Variants in PTPRG observed in about 807,000 individuals in gnomAD.
PTPRG encodes the protein receptor-type tyrosine-protein phosphatase gamma.
In PTPRG, 102 loss-of-function variants were observed where a neutral mutation model predicts 165.3. The observed-to-expected ratio is 0.62, with a 90% CI of 0.53 to 0.73. The LOEUF is 0.73. PTPRG is among the 30% of genes least tolerant of loss of function. PTPRG has a pLI of 0.00. For synonymous variants in PTPRG, 675 were observed against 669.5 expected, an observed-to-expected ratio of 1.01 and a Z score of -0.13; for missense variants, 1,866 against 1,861.4, an observed-to-expected ratio of 1.00 and a Z score of -0.05.
intron 8 of PTPRG, among the ~76,000 whole-genome samples, chr3:62,189,425 T>C (rs1699748665): frequency 6.6e-6 from 1 of 152,140 alleles, no homozygotes; most frequent in African/African-American, 2.4e-5. Context: ...TGGTTCCTGG[T>C]GGGCTGCAGG....
intron 2 of PTPRG, among the ~76,000 whole-genome samples, chr3:61,864,406 C>T (rs923542418): frequency 5.9e-5 from 9 of 152,110 alleles, no homozygotes; most frequent in African/African-American, 2.2e-4. Flanking sequence ...AGTGCTTCTC[C>T]TTGTGTCCCG....
chr3:62,129,407 C>G (rs1003165917), intron 5 of PTPRG, among the ~76,000 whole-genome samples: 1 of 152,136 alleles, frequency 6.6e-6, no homozygotes, highest in Non-Finnish European at 1.5e-5. Context: ...GAATGCCACA[C>G]TGGGTAATTT....
chr3:62,044,159 A>AGT (rs1227989396), intron 4 of PTPRG, among the ~76,000 whole-genome samples: 1 of 152,236 alleles, frequency 6.6e-6, no homozygotes, highest in East Asian at 1.9e-4. Context: ...TCTGATGAAG[A>AGT]GTGCCGCTTC....
intron 6 of PTPRG, among the ~76,000 whole-genome samples, chr3:62,133,379 C>T (rs1051055075): frequency 1.5e-4 from 23 of 152,184 alleles, no homozygotes; most frequent in Non-Finnish European, 2.9e-4. Context: ...ATTCCAGAGA[C>T]GTTGACAGAA....
intron 2 of PTPRG, among the ~76,000 whole-genome samples, chr3:61,969,045 T>A (rs1195840774): frequency 6.6e-6 from 1 of 152,220 alleles, no homozygotes; most frequent in African/African-American, 2.4e-5. Context: ...CTACTCCATG[T>A]GAGTTAAGTC....
chr3:61,882,025 C>A (rs193084567), intron 2 of PTPRG, among the ~76,000 whole-genome samples: 1 of 152,098 alleles, frequency 6.6e-6, no homozygotes, highest in South Asian at 2.1e-4. Context: ...AGAGCTTATG[C>A]GAAGGGAGTT....
At chr3:61,710,532 G>C (rs1339461426) in intron 1 of PTPRG, among the ~76,000 whole-genome samples, 1 of 152,094 alleles carries the variant, frequency 6.6e-6, no homozygotes, top group African/African-American at 2.4e-5. Context: ...CGTGGCCCAG[G>C]GCAGCATGTA....
At chr3:62,005,129 A>G (rs2041264964) in intron 4 of PTPRG, among the ~76,000 whole-genome samples, 1 of 152,174 alleles carries the variant, frequency 6.6e-6, no homozygotes, top group Non-Finnish European at 1.5e-5. Context: ...AAAATGCTTC[A>G]TGTTTTTTCT....
At chr3:62,113,170 A>G (rs1307189004) in intron 5 of PTPRG, among the ~76,000 whole-genome samples, 1 of 152,116 alleles carries the variant, frequency 6.6e-6, no homozygotes, top group African/African-American at 2.4e-5. Flanking sequence ...GAAATTCCAT[A>G]TTGGCATCTC....
Position 61,562,277 on chromosome 3 carries a change from C to G in PTPRG, c.-11C>G. 2 of 1,612,360 alleles carry G rather than the reference C, an allele frequency of 1.2e-6. No homozygotes were observed. The highest frequency in any genetic ancestry group is 1.7e-6 in the Non-Finnish European group (2 of 1,178,494). ...TCCCTGCTTTCCTCTTTTCGATGTG[C>G]GTTTTCGGACATGCGGAGGTTACTG... On this transcript the variant is annotated 5_prime_UTR_variant, in exon 1 of 30. Coordinates refer to ENST00000474889, the MANE Select transcript of PTPRG (RefSeq NM_002841.4).
rs534668721 is a variant in PTPRG at position 62,274,105 on chromosome 3, C to T, written c.3465+261C>T. Among the ~76,000 whole-genome samples the T allele has an allele frequency of 2.0e-3, 307 of 152,136 alleles. 1 individual carries two copies. The highest frequency in any genetic ancestry group is 7.1e-3 in the African/African-American group (296 of 41,524). On this transcript the variant is annotated intron_variant, in intron 23 of 29. Transcript: ENST00000474889. Reference sequence around the variant, plus strand: ...TCTGAATATAAACATCAGCCCCTGGCCATAATGACATAGTACTTTAAAGTA... The same window carrying T: ...TCTGAATATAAACATCAGCCCCTGGTCATAATGACATAGTACTTTAAAGTA...
chr3:62,091,895 G>A (rs1207201583), intron 5 of PTPRG, among the ~76,000 whole-genome samples: 1 of 151,944 alleles, frequency 6.6e-6, no homozygotes, highest in Non-Finnish European at 1.5e-5. Context: ...CCCCCATACA[G>A]CATCCCACCT....
At chr3:62,111,922 T>G (rs529939667) in intron 5 of PTPRG, among the ~76,000 whole-genome samples, 1 of 152,312 alleles carries the variant, frequency 6.6e-6, no homozygotes, top group South Asian at 2.1e-4. Flanking sequence ...CTGTAGGACT[T>G]AAAAAATTTT....
At chr3:61,798,156 A>G (rs1287148427) in intron 2 of PTPRG, among the ~76,000 whole-genome samples, 2 of 152,250 alleles carry the variant, frequency 1.3e-5, no homozygotes, top group African/African-American at 4.8e-5. Context: ...CTTTCCACAA[A>G]GATTAACCCT....
chr3:61,737,362 T>A (rs1435092845), intron 1 of PTPRG, among the ~76,000 whole-genome samples: 1 of 152,154 alleles, frequency 6.6e-6, no homozygotes, highest in Admixed American at 6.5e-5. Flanking sequence ...GTGTAGAGTA[T>A]ATACTGTTGA....
chr3:61,984,064 T>C (rs144783136), intron 2 of PTPRG, among the ~76,000 whole-genome samples: 1 of 152,194 alleles, frequency 6.6e-6, no homozygotes, highest in African/African-American at 2.4e-5. Flanking sequence ...AGGAATTCTA[T>C]CTGCCTTAAA....
chr3:62,047,646 C>T (rs1700339274), intron 4 of PTPRG, among the ~76,000 whole-genome samples: 1 of 152,156 alleles, frequency 6.6e-6, no homozygotes, highest in South Asian at 2.1e-4. Flanking sequence ...TATGTAAGTT[C>T]TCTAACCCAT....
intron 2 of PTPRG, among the ~76,000 whole-genome samples, chr3:61,868,319 T>G (rs1177015344): frequency 6.6e-6 from 1 of 152,194 alleles, no homozygotes; most frequent in African/African-American, 2.4e-5. Flanking sequence ...TCTCACAATT[T>G]CTTGCCTCTC....
At chr3:61,617,839 A>G (rs1265324311) in intron 1 of PTPRG, among the ~76,000 whole-genome samples, 1 of 152,190 alleles carries the variant, frequency 6.6e-6, no homozygotes, top group Non-Finnish European at 1.5e-5. Context: ...TTGTTGTGTC[A>G]TATTTTAAAT....
Sources: gnomAD v4.1 joint callset for allele counts (sites outside exome capture counted in the v4.1 genomes callset) on GRCh38, gnomAD v4.1.1 for gene constraint, MANE v1.5 for transcripts, NCBI Gene and HGNC (gene_info 2026-07-23, HGNC 2026-07-21) for gene names.